Variants in MEF2C observed in about 807,000 individuals in gnomAD.
The protein encoded by MEF2C is myocyte-specific enhancer factor 2C.
MEF2C carries 6 observed loss-of-function variants against 50.5 expected under a neutral mutation model. That is an observed-to-expected ratio of 0.12 (90% CI 0.07 to 0.23). The LOEUF (loss-of-function observed/expected upper bound fraction) is 0.23, where lower values mean the gene tolerates loss of function less well. Ranked by LOEUF, MEF2C falls within the 10% of genes least tolerant of loss-of-function variation. MEF2C has a pLI of 1.00. For missense variants in MEF2C, 276 were observed against 605.0 expected, an observed-to-expected ratio of 0.46 and a Z score of 5.70; for synonymous variants, 183 against 228.0, an observed-to-expected ratio of 0.80 and a Z score of 1.78.
At position 88,771,703 on chromosome 5, in the gene MEF2C, A is replaced by G. The variant is rs756028219; in HGVS notation, c.259-10375T>C. 108 of 677,322 alleles carry G rather than the reference A, an allele frequency of 1.6e-4. No individual in the cohort carries two copies. The Middle Eastern group carries it at 3.1e-3, about 19-fold the overall frequency. 42.0% of individuals were successfully genotyped at this position (677,322 alleles called of 1,614,324 possible). A position where few individuals can be genotyped will look rare whatever the true frequency, so the allele number is the denominator to read the frequency against. On this transcript the variant is annotated intron_variant, in intron 3 of 10. Transcript: ENST00000504921. ...TTGACAGTCATACTTTCTAACAGTG[A>G]CAGACACTAATTCAAATGAGTTGGG... is the stretch of plus-strand genomic sequence containing the variant.
intron 3 of MEF2C, among the ~76,000 whole-genome samples, chr5:88,779,760 GTTTTT>G (rs70996493): frequency 6.8e-6 from 1 of 147,214 alleles, no homozygotes; most frequent in Admixed American, 6.7e-5. Context: ...GCAAAGTGAG[GTTTTT>G]TTTTTTTTTA....
chr5:88,733,666 A>G (rs1469581267), intron 6 of MEF2C: 2 of 985,252 alleles, frequency 2.0e-6, no homozygotes, highest in African/African-American at 3.5e-5. Context: ...TTCATATCCC[A>G]TTCATTTACC....
chr5:88,769,667 C>T (rs978647023), intron 3 of MEF2C, among the ~76,000 whole-genome samples: 11 of 152,092 alleles, frequency 7.2e-5, no homozygotes, highest in Middle Eastern at 3.2e-3. Flanking sequence ...TGTTGTTAGA[C>T]AGAGTCTTGC....
At chr5:88,796,562 T>C (rs2431388) in intron 3 of MEF2C, among the ~76,000 whole-genome samples, 88,810 of 151,946 alleles carry the variant, frequency 0.58, 27,636 homozygotes, top group Non-Finnish European at 0.71. Flanking sequence ...GTCTATTTTG[T>C]TAATCTTTTC....
intron 3 of MEF2C, among the ~76,000 whole-genome samples, chr5:88,801,497 T>C (rs577027663): frequency 2.7e-3 from 407 of 149,154 alleles, no homozygotes; most frequent in Middle Eastern, 0.024. Context: ...TTGGGAACTT[T>C]TTTTTTTTTT....
At chr5:88,768,742 C>A in intron 3 of MEF2C, 1 of 967,962 alleles carries the variant, frequency 1.0e-6, no homozygotes, top group African/African-American at 1.8e-5. Flanking sequence ...TTTGCAACTG[C>A]AATCTCTTTT....
intron 2 of MEF2C, among the ~76,000 whole-genome samples, chr5:88,814,457 C>G (rs1002590338): frequency 1.3e-5 from 2 of 151,900 alleles, no homozygotes. Flanking sequence ...GCATAACTTG[C>G]GAGGATGAGA....
In MEF2C at chr5:88,721,630, AT is replaced by A. The variant is rs1278308798; in HGVS notation, c.*973del. The A allele has an allele frequency of 4.6e-5, 7 of 152,642 alleles. No homozygotes were observed. The highest frequency in any genetic ancestry group is 4.1e-4 in the South Asian group (2 of 4,828). 9.5% of individuals were successfully genotyped at this position (152,642 alleles called of 1,614,324 possible). ...ATACACAAGCATGTTAATTTCACAG[AT>A]TTTTTTAAAAGATTCTTAATATTTT... On this transcript the variant is annotated 3_prime_UTR_variant, in exon 11 of 11. Transcript: ENST00000504921.
chr5:88,722,483 CCTGA>C lies in MEF2C; in HGVS notation c.*117_*120del. 1.2e-6 allele frequency: 1 copy of C among 864,050 alleles called. No homozygotes were observed. The allele number at this position is 864,050 out of a possible 1,614,324, so 53.5% of individuals were successfully genotyped here. On this transcript the variant is annotated 3_prime_UTR_variant, in exon 11 of 11. Coordinates refer to ENST00000504921, the MANE Select transcript of MEF2C (RefSeq NM_002397.5). ...AAAAGTACTTTTACAAAACAGAGTA[CCTGA>C]CTTTTTTTTTTTCCACACACGGCAC... is the stretch of plus-strand genomic sequence containing the variant.
At chr5:88,823,635 AATAG>A in intron 2 of MEF2C, 96 bp downstream of exon 2, 1 of 1,132,394 alleles carries the variant, frequency 8.8e-7, no homozygotes, top group South Asian at 1.7e-5. Context: ...AACTTCTCTT[AATAG>A]ATATTTACAG....
chr5:88,787,680 T>A (rs1791631254), intron 3 of MEF2C, among the ~76,000 whole-genome samples: 1 of 152,208 alleles, frequency 6.6e-6, no homozygotes, highest in Non-Finnish European at 1.5e-5. Context: ...TTCCCCCACA[T>A]GAAATTAATT....
chr5:88,880,056 G>A (rs1439245400), intron 1 of MEF2C, among the ~76,000 whole-genome samples: 1 of 151,838 alleles, frequency 6.6e-6, no homozygotes, highest in African/African-American at 2.4e-5. Context: ...CAGTCCACGC[G>A]CCTATAAGAT....
chr5:88,878,039 A>AC (rs1421896505), intron 1 of MEF2C: 1 of 151,948 alleles, frequency 6.6e-6, no homozygotes, highest in Non-Finnish European at 1.5e-5. Flanking sequence ...AAAGGAACAC[A>AC]CCCCCTTACA....
At chr5:88,856,175 T>C (rs950093855) in intron 1 of MEF2C, among the ~76,000 whole-genome samples, 1 of 152,230 alleles carries the variant, frequency 6.6e-6, no homozygotes, top group African/African-American at 2.4e-5. Flanking sequence ...GGAGGCATTT[T>C]GCTCCTGACC....
intron 2 of MEF2C, among the ~76,000 whole-genome samples, chr5:88,818,015 G>A (rs2153188384): frequency 6.6e-6 from 1 of 151,972 alleles, no homozygotes; most frequent in African/African-American, 2.4e-5. Flanking sequence ...TAAGACAAAT[G>A]CATTCAAGTG....
chr5:88,760,688 G>A (rs577070858), intron 4 of MEF2C, among the ~76,000 whole-genome samples: 4 of 152,290 alleles, frequency 2.6e-5, no homozygotes, highest in African/African-American at 4.8e-5. Context: ...CTCATGTATT[G>A]TGATTTGCAT....
At chr5:88,806,681 A>T (rs1424355207) in intron 2 of MEF2C, among the ~76,000 whole-genome samples, 1 of 152,140 alleles carries the variant, frequency 6.6e-6, no homozygotes, top group Admixed American at 6.5e-5. Flanking sequence ...TCATGTTACA[A>T]TCACATTTTA....
At chr5:88,748,107 C>G in intron 6 of MEF2C, 1 of 984,664 alleles carries the variant, frequency 1.0e-6, no homozygotes, top group Non-Finnish European at 1.2e-6. Flanking sequence ...AGCATCAGAA[C>G]AGAGAAACTC....
intron 1 of MEF2C, chr5:88,892,241 A>G (rs304141): frequency 0.69 from 104,753 of 151,932 alleles, 37,606 homozygotes; most frequent in African/African-American, 0.9. Context: ...ACTTGGAAGA[A>G]GCTGTGTGGC....
Sources: gnomAD v4.1 joint callset for allele counts (sites outside exome capture counted in the v4.1 genomes callset) on GRCh38, gnomAD v4.1.1 for gene constraint, MANE v1.5 for transcripts, NCBI Gene and HGNC (gene_info 2026-07-23, HGNC 2026-07-21) for gene names.